GRIK1: variants seen among roughly 807,000 people sequenced by gnomAD.
GRIK1 encodes glutamate receptor ionotropic, kainate 1.
GRIK1 carries 69 observed loss-of-function variants against 105.7 expected under a neutral mutation model. The observed-to-expected ratio is 0.65, with a 90% CI of 0.54 to 0.80. GRIK1 has a LOEUF of 0.80. Ranked by LOEUF, GRIK1 falls within the 30% of genes least tolerant of loss-of-function variation. The pLI is 0.00. For missense variants in GRIK1, 1,109 were observed against 1,167.3 expected, an observed-to-expected ratio of 0.95 and a Z score of 0.73; for synonymous variants, 438 against 431.3, an observed-to-expected ratio of 1.02 and a Z score of -0.19.
In GRIK1 at chr21:29,687,681, G is replaced by C. The variant is rs1023015252; in HGVS notation, c.544+2047C>G. Among the ~76,000 whole-genome samples, 10 of 152,342 alleles carry C rather than the reference G, an allele frequency of 6.6e-5. No individual in the cohort carries two copies. In the South Asian group the frequency reaches 1.5e-3, roughly 22 times the overall value. ...CTTGTAGAAGATGATGGAAATGATA[G>C]TTTGGTGTTTGCTTTGAAAAATGGA... On this transcript the variant is annotated intron_variant, in intron 3 of 17. Coordinates refer to ENST00000327783, the MANE Select transcript of GRIK1 (RefSeq NM_001330994.2).
chr21:29,560,354 TC>T lies in GRIK1; in HGVS notation c.2356+1269del, dbSNP rs1568813335. On this transcript the variant is annotated intron_variant, in intron 15 of 17. Coordinates refer to ENST00000327783, the MANE Select transcript of GRIK1 (RefSeq NM_001330994.2). ...TTCTTTCTTTCTTTCTTTCTTTCTT[TC>T]TTTTTCTTTCTTCCTTCCTTCCTTC... Among the ~76,000 whole-genome samples the T allele has an allele frequency of 2.1e-3, 212 of 103,268 alleles. 2 individuals carry two copies. Among genetic ancestry groups the T allele is most frequent in the Admixed American group, 4.5e-3 (43 of 9,570 alleles). 67.7% of individuals were successfully genotyped at this position (103,268 alleles called of 152,430 possible).
At chr21:29,550,538 T>C (rs2090117009) in intron 16 of GRIK1, among the ~76,000 whole-genome samples, 2 of 152,200 alleles carry the variant, frequency 1.3e-5, no homozygotes, top group African/African-American at 2.4e-5. Flanking sequence ...CCCAACTAAT[T>C]AAATTAGAAT....
intron 1 of GRIK1, among the ~76,000 whole-genome samples, chr21:29,747,895 T>C (rs2065086378): frequency 6.6e-6 from 1 of 152,182 alleles, no homozygotes; most frequent in Non-Finnish European, 1.5e-5. Flanking sequence ...ACTGAAGAAA[T>C]ATTCTGTGAT....
intron 15 of GRIK1, among the ~76,000 whole-genome samples, chr21:29,555,850 A>G (rs959071740): frequency 6.6e-6 from 1 of 152,204 alleles, no homozygotes; most frequent in Non-Finnish European, 1.5e-5. Context: ...CTTAAAAAAT[A>G]AACTATGCTC....
intron 1 of GRIK1, among the ~76,000 whole-genome samples, chr21:29,705,681 T>C (rs1362592363): frequency 1.3e-5 from 2 of 152,320 alleles, no homozygotes; most frequent in African/African-American, 4.8e-5. Context: ...ATCAGATTTA[T>C]ACTATCAAAT....
Position 29,571,188 on chromosome 21 carries a change from A to G in GRIK1, c.2130+5776T>C, listed in dbSNP as rs185597968. ...ATGGTGAAACACCCTGTCTCTACTA[A>G]AAACACACACACACAAAATATTAAC... On this transcript the variant is annotated intron_variant, in intron 14 of 17. Transcript: ENST00000327783. Among the ~76,000 whole-genome samples, 217 of 152,050 alleles carry G rather than the reference A, an allele frequency of 1.4e-3. 3 individuals are homozygous for G. Among genetic ancestry groups the G allele is most frequent in the Middle Eastern group, 6.8e-3 (2 of 294 alleles).
intron 1 of GRIK1, among the ~76,000 whole-genome samples, chr21:29,791,632 GA>G (rs1256502518): frequency 6.6e-6 from 1 of 152,152 alleles, no homozygotes; most frequent in Admixed American, 6.6e-5. Context: ...CCTTGGCAAA[GA>G]AGGAAAATTT....
At chr21:29,766,505 A>C (rs995602750) in intron 1 of GRIK1, among the ~76,000 whole-genome samples, 4 of 152,202 alleles carry the variant, frequency 2.6e-5, no homozygotes, top group African/African-American at 9.6e-5. Context: ...CAGAAAATAC[A>C]TAAGACCTGG....
intron 15 of GRIK1, among the ~76,000 whole-genome samples, chr21:29,556,293 G>A (rs187091546): frequency 2.6e-5 from 4 of 152,134 alleles, no homozygotes; most frequent in African/African-American, 9.6e-5. Flanking sequence ...CAACCCATTC[G>A]GCATAAAGCT....
At chr21:29,680,832 T>C (rs2063358178) in intron 3 of GRIK1, among the ~76,000 whole-genome samples, 1 of 152,174 alleles carries the variant, frequency 6.6e-6, no homozygotes, top group Admixed American at 6.5e-5. Context: ...TAGGTATGTA[T>C]ATATAGAAAT....
In GRIK1 at chr21:29,909,659, T is replaced by C. The variant is rs142287188; in HGVS notation, c.118+29724A>G. On this transcript the variant is annotated intron_variant, in intron 1 of 17. Transcript: ENST00000327783. Reference sequence around the variant, plus strand: ...CAGTAATAATTAGAAAAAAAATAAATGACAGATTACTTTCAAATCAGATGT... The same window carrying C: ...CAGTAATAATTAGAAAAAAAATAAACGACAGATTACTTTCAAATCAGATGT... Among the ~76,000 whole-genome samples the C allele has an allele frequency of 1.7e-4, 26 of 152,212 alleles. No individual in the cohort carries two copies. The South Asian group carries it at 2.1e-3, about 12-fold the overall frequency.
chr21:29,580,071 A>ATGTGTGTG, intron 13 of GRIK1, among the ~76,000 whole-genome samples: 1 of 146,898 alleles, frequency 6.8e-6, no homozygotes, highest in African/African-American at 2.5e-5. Flanking sequence ...ATATGTGTAT[A>ATGTGTGTG]TATATGTATA....
chr21:29,656,337 G>A (rs1015431628), intron 4 of GRIK1, among the ~76,000 whole-genome samples: 1 of 125,408 alleles, frequency 8.0e-6, no homozygotes, highest in African/African-American at 3.3e-5. Context: ...CTCCAGCCTG[G>A]GGGCCAGAGC....
chr21:29,786,815 T>C (rs965416875), intron 1 of GRIK1, among the ~76,000 whole-genome samples: 4 of 152,292 alleles, frequency 2.6e-5, no homozygotes, highest in East Asian at 1.9e-4. Flanking sequence ...GATTTCTCAG[T>C]TCTAAGAGAC....
intron 1 of GRIK1, among the ~76,000 whole-genome samples, chr21:29,735,823 G>A (rs1490813823): frequency 7.0e-6 from 1 of 143,102 alleles, no homozygotes; most frequent in Non-Finnish European, 1.5e-5. Context: ...CTCCAGCCTG[G>A]GCGACAGAGT....
chr21:29,584,299 G>A (rs1455342077), intron 12 of GRIK1, among the ~76,000 whole-genome samples: 2 of 151,258 alleles, frequency 1.3e-5, no homozygotes, highest in Admixed American at 6.6e-5. Flanking sequence ...ACTTTCAAGG[G>A]TTTTCTAGAT....
At chr21:29,658,025 G>A (rs569694836) in intron 4 of GRIK1, among the ~76,000 whole-genome samples, 7 of 152,094 alleles carry the variant, frequency 4.6e-5, no homozygotes, top group African/African-American at 9.7e-5. Context: ...CTTGTCTGCC[G>A]AACTGACCAA....
chr21:29,769,354 G>A (rs1312336850), intron 1 of GRIK1, among the ~76,000 whole-genome samples: 5 of 152,170 alleles, frequency 3.3e-5, no homozygotes, highest in African/African-American at 1.2e-4. Flanking sequence ...AAGACACAGG[G>A]AGAATTCATC....
At chr21:29,663,815 G>T (rs542610563) in intron 4 of GRIK1, among the ~76,000 whole-genome samples, 17 of 152,134 alleles carry the variant, frequency 1.1e-4, no homozygotes, top group Non-Finnish European at 2.4e-4. Context: ...AAACATGGAG[G>T]TATAAAATCA....
Sources: gnomAD v4.1 joint callset for allele counts (sites outside exome capture counted in the v4.1 genomes callset) on GRCh38, gnomAD v4.1.1 for gene constraint, MANE v1.5 for transcripts, NCBI Gene and HGNC (gene_info 2026-07-23, HGNC 2026-07-21) for gene names.